PIGN: variants seen among roughly 807,000 people sequenced by gnomAD.
PIGN encodes phosphatidylinositol glycan anchor biosynthesis class N.
Under a neutral mutation model 125.4 loss-of-function variants are expected in PIGN, and 117 were observed. The observed-to-expected ratio is 0.93, with a 90% CI of 0.80 to 1.09. The LOEUF (loss-of-function observed/expected upper bound fraction) is 1.09, where lower values mean the gene tolerates loss of function less well. Ranked by LOEUF, PIGN falls within the 50% of genes least tolerant of loss-of-function variation. The pLI, the probability that PIGN is intolerant of heterozygous loss-of-function variation, is 0.00. For missense variants in PIGN, 1,075 were observed against 1,094.9 expected (o/e 0.98, Z 0.26); for synonymous variants, 392 against 377.8 (o/e 1.04, Z -0.44).
chr18:62,125,172 G>T (rs181019446), intron 14 of PIGN, among the ~76,000 whole-genome samples: 1 of 131,942 alleles, frequency 7.6e-6, no homozygotes, highest in Admixed American at 7.4e-5. Flanking sequence ...GTACATATGT[G>T]TATATAAATA....
At chr18:62,150,171 A>C (rs2036476343) in intron 7 of PIGN, among the ~76,000 whole-genome samples, 1 of 152,100 alleles carries the variant, frequency 6.6e-6, no homozygotes, top group South Asian at 2.1e-4. Context: ...TTTAGTAGAG[A>C]GAGGATATCA....
intron 17 of PIGN, 41 bp downstream of exon 17, chr18:62,109,793 C>A: frequency 6.4e-7 from 1 of 1,555,874 alleles, no homozygotes; most frequent in South Asian, 1.2e-5. Context: ...ATTTAACTGT[C>A]AATGAAGTGA....
intron 1 of PIGN, among the ~76,000 whole-genome samples, chr18:62,183,158 T>C (rs564985083): frequency 9.9e-5 from 15 of 152,146 alleles, no homozygotes; most frequent in Non-Finnish European, 2.1e-4. Context: ...CTTAGCTAGA[T>C]TTGAGCATTT....
intron 1 of PIGN, among the ~76,000 whole-genome samples, chr18:62,171,953 G>C (rs927700196): frequency 7.9e-5 from 12 of 151,886 alleles, no homozygotes; most frequent in Non-Finnish European, 1.5e-5. Context: ...CTGTGGTTTT[G>C]GTATCAGACA....
Position 62,138,380 on chromosome 18 carries a change from C to A in PIGN, c.1117-82G>T, listed in dbSNP as rs192284076. ...AATATAAACATCCATTAAAATGATT[C>A]TTTAGGGATGGTTAACCACTTTGAA... is the stretch of plus-strand genomic sequence containing the variant. On this transcript the variant is annotated intron_variant, in intron 13 of 30. Coordinates refer to ENST00000640252, the MANE Select transcript of PIGN (RefSeq NM_176787.5). The A allele has an allele frequency of 2.0e-4, 296 of 1,463,196 alleles. 1 individual carries two copies. The African/African-American group carries it at 4.1e-3, about 20-fold the overall frequency. The allele number at this position is 1,463,196 out of a possible 1,614,324, so 90.6% of individuals were successfully genotyped here.
Position 62,161,392 on chromosome 18 carries a change from G to C in PIGN, c.-32-7C>G. 1 of 1,390,768 alleles carries C rather than the reference G, an allele frequency of 7.2e-7. No individual in the cohort carries two copies. 86.2% of individuals were successfully genotyped at this position (1,390,768 alleles called of 1,614,324 possible). A position where few individuals can be genotyped will look rare whatever the true frequency, so the allele number is the denominator to read the frequency against. The stretch of plus-strand genomic sequence containing the variant: ...AATTAGTCTTCAAGAACAGCTGAAA[G>C]AGAGAACAAAATTAAATTGGGGTAA... On this transcript the variant is annotated splice_polypyrimidine_tract_variant and splice_region_variant and intron_variant, in intron 3 of 30. Coordinates refer to ENST00000640252, the MANE Select transcript of PIGN (RefSeq NM_176787.5).
At chr18:62,109,647 C>G (rs1355877979) in intron 17 of PIGN, among the ~76,000 whole-genome samples, 187 bp downstream of exon 17, 2 of 152,130 alleles carry the variant, frequency 1.3e-5, no homozygotes, top group East Asian at 3.9e-4. Context: ...AAAAGTACAA[C>G]AGAAAGAATG....
At chr18:62,113,080 T>G in intron 16 of PIGN, 54 bp downstream of exon 16, 1 of 1,324,448 alleles carries the variant, frequency 7.6e-7, no homozygotes, top group Non-Finnish European at 1.1e-6. Flanking sequence ...TACACTGGAT[T>G]CAGTACTAGT....
intron 30 of PIGN, among the ~76,000 whole-genome samples, chr18:62,067,094 AAGC>A (rs751851239): frequency 0.011 from 1,630 of 152,332 alleles, 19 homozygotes; most frequent in African/African-American, 0.031. Context: ...TTATAATGAA[AAGC>A]AACAATCTTT....
chr18:62,156,938 G>A (rs956887585), intron 6 of PIGN, among the ~76,000 whole-genome samples, 191 bp downstream of exon 6: 2 of 152,028 alleles, frequency 1.3e-5, no homozygotes, highest in Non-Finnish European at 2.9e-5. Context: ...ACTGTATGAT[G>A]TGCCAATATC....
At chr18:62,129,552 TGCTCCTC>T (rs2035655756) in intron 14 of PIGN, among the ~76,000 whole-genome samples, 3 of 152,194 alleles carry the variant, frequency 2.0e-5, no homozygotes, top group Admixed American at 6.5e-5. Flanking sequence ...GTGGGTTTGG[TGCTCCTC>T]AACTGTTCTT....
At chr18:62,144,605 G>A (rs546363277) in intron 10 of PIGN, among the ~76,000 whole-genome samples, 2 of 152,040 alleles carry the variant, frequency 1.3e-5, no homozygotes, top group Non-Finnish European at 2.9e-5. Context: ...CATATGAATG[G>A]CTCCCTCTTA....
At chr18:62,162,896 A>G (rs1911078) in intron 2 of PIGN, among the ~76,000 whole-genome samples, 88,251 of 151,982 alleles carry the variant, frequency 0.58, 26,339 homozygotes, top group East Asian at 0.72. Flanking sequence ...AATTATCAAT[A>G]TGAATGTAAA....
rs3833870 is a variant in PIGN, at chr18:62,045,677, G to GA, written c.*178dup. 0.52 allele frequency: 236,245 copies of GA among 457,804 alleles called. 58,759 individuals are homozygous for GA. The highest frequency in any genetic ancestry group is 0.61 in the East Asian group (16,377 of 26,662). 28.4% of individuals were successfully genotyped at this position (457,804 alleles called of 1,614,324 possible). ...CACTATTTCATGCCTGCAAAACCTA[G>GA]AAAAAAAAAGAAGCTCCTTTGTTCC... is the stretch of plus-strand genomic sequence containing the variant. On this transcript the variant is annotated 3_prime_UTR_variant, in exon 31 of 31. Coordinates refer to ENST00000640252, the MANE Select transcript of PIGN (RefSeq NM_176787.5).
At chr18:62,053,867 A>G (rs181249290) in intron 30 of PIGN, among the ~76,000 whole-genome samples, 301 of 152,312 alleles carry the variant, frequency 2.0e-3, no homozygotes, top group Non-Finnish European at 2.9e-4. Flanking sequence ...AAACCTCAGC[A>G]AGTTTAAAAG....
chr18:62,150,595 C>G (rs546739493), intron 7 of PIGN, among the ~76,000 whole-genome samples: 1 of 152,140 alleles, frequency 6.6e-6, no homozygotes, highest in South Asian at 2.1e-4. Context: ...CTGTATGATT[C>G]CAGTTATGAT....
chr18:62,099,857 A>G (rs1425323588), intron 22 of PIGN, among the ~76,000 whole-genome samples: 1 of 152,198 alleles, frequency 6.6e-6, no homozygotes, highest in African/African-American at 2.4e-5. Flanking sequence ...CTGAAACCAT[A>G]AAGTACTAGA....
At chr18:62,051,015 G>A (rs1374606063) in intron 30 of PIGN, among the ~76,000 whole-genome samples, 6 of 149,952 alleles carry the variant, frequency 4.0e-5, no homozygotes, top group Admixed American at 6.7e-5. Flanking sequence ...ATTGATTTGT[G>A]TATATTGAAC....
Position 62,044,012 on chromosome 18 carries a change from C to T in PIGN, c.*1844G>A, listed in dbSNP as rs575628555. The stretch of plus-strand genomic sequence containing the variant: ...ATCTGGGAAACTGCAACAGAAAAGG[C>T]TTGTTCCCATGTGAGTCTGAAGGGG... On this transcript the variant is annotated 3_prime_UTR_variant, in exon 31 of 31. Coordinates refer to ENST00000640252, the MANE Select transcript of PIGN (RefSeq NM_176787.5). 7.9e-5 allele frequency: 12 copies of T among 152,244 alleles called. No individual in the cohort carries two copies. The highest frequency in any genetic ancestry group is 2.4e-4 in the African/African-American group (10 of 41,530). The allele number at this position is 152,244 out of a possible 1,614,324, so 9.4% of individuals were successfully genotyped here.
Sources: gnomAD v4.1 joint callset for allele counts (sites outside exome capture counted in the v4.1 genomes callset) on GRCh38, gnomAD v4.1.1 for gene constraint, MANE v1.5 for transcripts, NCBI Gene and HGNC (gene_info 2026-07-23, HGNC 2026-07-21) for gene names.